Variants in AVEN observed in about 807,000 individuals in gnomAD.
The protein encoded by AVEN is apoptosis and caspase activation inhibitor, also known as cell death regulator Aven.
A neutral mutation model predicts 38.1 loss-of-function variants in AVEN; 41 were observed. The observed-to-expected ratio is 1.08, with a 90% confidence interval of 0.84 to 1.40. The LOEUF (loss-of-function observed/expected upper bound fraction) is 1.40. Among genes scored for constraint, AVEN ranks in the 40% most tolerant of loss-of-function variants. AVEN has a pLI of 0.00. For synonymous variants in AVEN, 206 were observed against 171.8 expected, an observed-to-expected ratio of 1.20 and a Z score of -1.56; for missense variants, 605 against 438.8, an observed-to-expected ratio of 1.38 and a Z score of -3.38.
At chr15:33,914,474 G>A (rs1893043764) in intron 2 of AVEN, among the ~76,000 whole-genome samples, 2 of 151,658 alleles carry the variant, frequency 1.3e-5, no homozygotes, top group Non-Finnish European at 2.9e-5. Context: ...AGATAAAATT[G>A]GACCCATTCC....
In AVEN at chr15:33,995,897, G is replaced by A. The variant is rs28432828; in HGVS notation, c.445+7135C>T. The stretch of plus-strand genomic sequence containing the variant: ...CGGGGCGCTGCCTCACCCTGGAAGC[G>A]CAAGGGGTCAGGGGATTTCCCTTTC... On this transcript the variant is annotated intron_variant, in intron 2 of 5. Transcript: ENST00000306730. 3.0e-4 allele frequency among the ~76,000 whole-genome samples: 46 copies of A among 152,368 alleles called. 1 individual carries two copies. In the East Asian group the frequency reaches 3.9e-3, roughly 13 times the overall value.
At chr15:33,955,752 G>A (rs533061445) in intron 2 of AVEN, among the ~76,000 whole-genome samples, 1 of 152,134 alleles carries the variant, frequency 6.6e-6, no homozygotes, top group African/African-American at 2.4e-5. Context: ...CTCCGAATCA[G>A]TTACTTATGC....
chr15:33,854,688 C>G (rs1420405959), downstream of AVEN: 1 of 1,525,390 alleles, frequency 6.6e-7, no homozygotes, highest in Non-Finnish European at 8.8e-7. Context: ...GTGTGTCTCC[C>G]AAAATAAGAA....
intron 5 of AVEN, among the ~76,000 whole-genome samples, chr15:34,053,319 A>AAAAAATATATAT (rs775436850): frequency 2.4e-5 from 1 of 42,070 alleles, no homozygotes; most frequent in African/African-American, 8.0e-5. Flanking sequence ...AAAAAAAAAA[A>AAAAAATATATAT]ATATATATAT....
intron 5 of AVEN, among the ~76,000 whole-genome samples, chr15:34,057,417 C>T (rs918742673): frequency 2.6e-5 from 4 of 152,134 alleles, no homozygotes; most frequent in Admixed American, 6.5e-5. Context: ...GCTGGGATTA[C>T]AGGCATGAGC....
chr15:34,003,195 G>T lies in AVEN; in HGVS notation c.282C>A (p.Ser94Arg). 6.2e-7 allele frequency: 1 copy of T among 1,612,982 alleles called. No homozygotes were observed. The highest frequency in any genetic ancestry group is 1.1e-5 in the South Asian group (1 of 90,970). ...AGASAPVEDDSDAETYGEEND... is the reference protein window; with the variant it reads ...AGASAPVEDDRDAETYGEEND... The stretch of plus-strand genomic sequence containing the variant: ...TCTCTTCTCCATAGGTCTCTGCATC[G>T]CTGTCATCTTCAACCTGCAATCATT... Residue 94 changes from serine (S) to arginine (R), a missense_variant, in exon 2 of 6, where the codon AGC becomes AGA. Coordinates refer to ENST00000306730, the MANE Select transcript of AVEN (RefSeq NM_020371.3).
At chr15:33,986,859 A>G (rs916393317) in intron 2 of AVEN, among the ~76,000 whole-genome samples, 4 of 152,184 alleles carry the variant, frequency 2.6e-5, no homozygotes, top group East Asian at 3.9e-4. Flanking sequence ...GGGTTTCACC[A>G]TGTTAGCCAG....
intron 1 of AVEN, among the ~76,000 whole-genome samples, chr15:34,035,280 A>G (rs1220981936): frequency 6.6e-6 from 1 of 152,222 alleles, no homozygotes; most frequent in African/African-American, 2.4e-5. Flanking sequence ...AAGCTGCAAT[A>G]TAAACATGGA....
rs147652518 is a variant in AVEN at position 33,966,617 on chromosome 15, A to G, written c.445+36415T>C. On this transcript the variant is annotated intron_variant, in intron 2 of 5. Coordinates refer to ENST00000306730, the MANE Select transcript of AVEN (RefSeq NM_020371.3). ...CTACACCCCTTTAATGGCTCCCCAT[A>G]TTCACCACCCCCATTCTCTTTCATC... Among the ~76,000 whole-genome samples the G allele has an allele frequency of 2.6e-3, 387 of 150,450 alleles. 2 individuals are homozygous for G. Among genetic ancestry groups the G allele is most frequent in the Non-Finnish European group, 4.5e-3 (306 of 67,676 alleles).
At chr15:33,949,659 T>C (rs937974314) in intron 2 of AVEN, among the ~76,000 whole-genome samples, 3 of 152,282 alleles carry the variant, frequency 2.0e-5, no homozygotes, top group South Asian at 4.1e-4. Flanking sequence ...TGGGGAGATG[T>C]TGCATGATTT....
chr15:33,955,650 C>T (rs189718848), intron 2 of AVEN, among the ~76,000 whole-genome samples: 8 of 152,044 alleles, frequency 5.3e-5, no homozygotes, highest in Admixed American at 5.2e-4. Flanking sequence ...TAAGAAATGT[C>T]GGGGGGATGG....
At chr15:34,038,609 CCGCCACCAGGCGCGCCCCCG>C (rs71119920) in intron 1 of AVEN, among the ~76,000 whole-genome samples, 151 bp downstream of exon 1, 77,005 of 121,730 alleles carry the variant, frequency 0.63, 22,989 homozygotes, top group Non-Finnish European at 0.72. Flanking sequence ...AGGCGCGCCC[CCGCCACCAGGCGCGCCCCCG>C]CGCCACCATC....
chr15:33,976,342 C>G (rs1567443380), intron 2 of AVEN, among the ~76,000 whole-genome samples: 1 of 152,228 alleles, frequency 6.6e-6, no homozygotes, highest in African/African-American at 2.4e-5. Flanking sequence ...AGTCAATCTC[C>G]TAAGTGAGTA....
intron 1 of AVEN, among the ~76,000 whole-genome samples, chr15:34,015,221 C>A (rs1435899094): frequency 6.6e-6 from 1 of 152,132 alleles, no homozygotes; most frequent in African/African-American, 2.4e-5. Context: ...CAGTGGCTCA[C>A]GCCTGTAATC....
downstream of AVEN, chr15:33,865,738 A>C (rs1341204787): frequency 6.5e-6 from 1 of 153,630 alleles, no homozygotes; most frequent in African/African-American, 2.4e-5. Flanking sequence ...ACAGAAAAAA[A>C]CCGACACTTT....
chr15:33,952,550 C>T (rs560133728), intron 2 of AVEN, among the ~76,000 whole-genome samples: 1 of 152,254 alleles, frequency 6.6e-6, no homozygotes, highest in African/African-American at 2.4e-5. Flanking sequence ...AGATAGGAAA[C>T]CGCATAAATA....
chr15:33,866,520 G>A lies in AVEN; in HGVS notation c.*93C>T. The A allele has an allele frequency of 1.2e-6, 1 of 864,054 alleles. No individual in the cohort carries two copies. The highest frequency in any genetic ancestry group is 1.9e-6 in the Non-Finnish European group (1 of 530,834). 53.5% of individuals were successfully genotyped at this position (864,054 alleles called of 1,614,324 possible). A position where few individuals can be genotyped will look rare whatever the true frequency, so the allele number is the denominator to read the frequency against. On this transcript the variant is annotated 3_prime_UTR_variant, in exon 6 of 6. Coordinates refer to ENST00000306730, the MANE Select transcript of AVEN (RefSeq NM_020371.3). ...AATGGAACACACTAGCTTGAGACAT[G>A]CTTGTAAACTGGCTGGTCCTGAAGG... is the stretch of plus-strand genomic sequence containing the variant.
At chr15:34,039,328 G>C (rs569274779), upstream of AVEN, among the ~76,000 whole-genome samples, 1 of 152,090 alleles carries the variant, frequency 6.6e-6, no homozygotes, top group East Asian at 1.9e-4. Flanking sequence ...GGATTCTCAA[G>C]GCATCAGAGA....
At chr15:34,069,897 G>A (rs192196707) in intron 2 of AVEN, among the ~76,000 whole-genome samples, 23 of 152,158 alleles carry the variant, frequency 1.5e-4, no homozygotes, top group Non-Finnish European at 3.2e-4. Flanking sequence ...ACATCAAAAC[G>A]ATATGAGAAG....
Sources: gnomAD v4.1 joint callset for allele counts (sites outside exome capture counted in the v4.1 genomes callset) on GRCh38, gnomAD v4.1.1 for gene constraint, MANE v1.5 for transcripts, NCBI Gene and HGNC (gene_info 2026-07-23, HGNC 2026-07-21) for gene names.